Variants in CADM2 observed in about 807,000 individuals in gnomAD.
CADM2 encodes the protein cell adhesion molecule 2.
A neutral mutation model predicts 49.8 loss-of-function variants in CADM2; 12 were observed. The ratio of observed to expected loss-of-function variants is 0.24; its 90% CI spans 0.15 to 0.39. CADM2 has a LOEUF of 0.39. Among genes scored for constraint, CADM2 ranks in the 10% least tolerant of loss-of-function variants. The probability of loss-of-function intolerance (pLI) is 1.00; values close to 1 mark genes in which losing one functional copy is unlikely to be tolerated. For synonymous variants in CADM2, 214 were observed against 175.4 expected, an observed-to-expected ratio of 1.22 and a Z score of -1.74; for missense variants, 378 against 492.3, an observed-to-expected ratio of 0.77 and a Z score of 2.20.
chr3:85,127,630 T>A (rs2107603539), intron 1 of CADM2, among the ~76,000 whole-genome samples: 1 of 152,298 alleles, frequency 6.6e-6, no homozygotes, highest in South Asian at 2.1e-4. Context: ...CTTTTAAAAT[T>A]TCTTATGTTT....
At chr3:85,812,857 T>C (rs1216872086) in intron 3 of CADM2, among the ~76,000 whole-genome samples, 1 of 152,174 alleles carries the variant, frequency 6.6e-6, no homozygotes, top group South Asian at 2.1e-4. Flanking sequence ...GTTTCATCCA[T>C]GTCCCTGCAA....
At chr3:85,668,307 A>G (rs2065634511) in intron 1 of CADM2, among the ~76,000 whole-genome samples, 1 of 150,946 alleles carries the variant, frequency 6.6e-6, no homozygotes, top group Admixed American at 6.6e-5. Context: ...AAAAAAAAAA[A>G]AAAAAAGCAA....
intron 1 of CADM2, among the ~76,000 whole-genome samples, chr3:85,587,901 TC>T (rs753759486): frequency 6.6e-6 from 1 of 151,940 alleles, no homozygotes; most frequent in Non-Finnish European, 1.5e-5. Context: ...CGCGTCACCA[TC>T]CTCAACTAGG....
intron 1 of CADM2, among the ~76,000 whole-genome samples, chr3:85,615,930 A>G (rs1235113313): frequency 6.6e-6 from 1 of 151,966 alleles, no homozygotes; most frequent in African/African-American, 2.4e-5. Flanking sequence ...TAACAATTTC[A>G]AGAAAATCAT....
At chr3:85,634,701 G>C (rs1231643892) in intron 1 of CADM2, among the ~76,000 whole-genome samples, 1 of 152,010 alleles carries the variant, frequency 6.6e-6, no homozygotes, top group Non-Finnish European at 1.5e-5. Flanking sequence ...GTGTGTGCAT[G>C]TATATTATCA....
chr3:85,759,961 A>G (rs184087978), intron 2 of CADM2, among the ~76,000 whole-genome samples: 1 of 152,260 alleles, frequency 6.6e-6, no homozygotes, highest in East Asian at 1.9e-4. Context: ...ATCATGGTAA[A>G]CATATAGACT....
Position 86,072,389 on chromosome 3 carries a change from A to G in CADM2, c.*5606A>G, listed in dbSNP as rs1703332192. The G allele has an allele frequency of 6.6e-6, 1 of 150,978 alleles. No homozygotes were observed. The highest frequency in any genetic ancestry group is 2.1e-4 in the South Asian group (1 of 4,808). The allele number at this position is 150,978 out of a possible 1,614,324, so 9.4% of individuals were successfully genotyped here. On this transcript the variant is annotated 3_prime_UTR_variant, in exon 10 of 10. Transcript: ENST00000383699. The stretch of plus-strand genomic sequence containing the variant: ...TTTGGAGAGAATGGGCCCAAATGTG[A>G]AAAAGATATAAAAAAAACAAAAAAA...
chr3:85,181,780 C>A (rs1032666739), intron 1 of CADM2, among the ~76,000 whole-genome samples: 3 of 150,608 alleles, frequency 2.0e-5, no homozygotes, highest in African/African-American at 7.3e-5. Context: ...CCTTATTATA[C>A]CTTATTGTTA....
intron 1 of CADM2, among the ~76,000 whole-genome samples, chr3:85,315,556 T>G (rs1032322766): frequency 1.4e-4 from 22 of 152,290 alleles, no homozygotes; most frequent in African/African-American, 5.3e-4. Flanking sequence ...TGTGCCTGAC[T>G]TTTTAAGACA....
At chr3:84,972,049 A>G (rs1215725273) in intron 1 of CADM2, among the ~76,000 whole-genome samples, 1 of 152,084 alleles carries the variant, frequency 6.6e-6, no homozygotes, top group East Asian at 1.9e-4. Context: ...TAAAACTTTG[A>G]TTTTGGAAGT....
chr3:85,841,154 C>T lies in CADM2; in HGVS notation c.238+38958C>T, dbSNP rs140584477. Among the ~76,000 whole-genome samples, 1,258 of 151,818 alleles carry T rather than the reference C, an allele frequency of 8.3e-3. 16 individuals are homozygous for T. Among genetic ancestry groups the T allele is most frequent in the Middle Eastern group, 0.031 (9 of 294 alleles). ...ATATTATATTATAAACTCTTGATAA[C>T]ATGAAACTTTTCAGATAGAAATTTG... is the stretch of plus-strand genomic sequence containing the variant. On this transcript the variant is annotated intron_variant, in intron 3 of 9. Transcript: ENST00000383699.
Position 85,253,374 on chromosome 3 carries a change from C to G in CADM2, c.61+293706C>G, listed in dbSNP as rs143567180. On this transcript the variant is annotated intron_variant, in intron 1 of 9. Transcript: ENST00000383699. Reference sequence around the variant, plus strand: ...TCAGATTTGTGTTTCTAGTAAAATCCTATAGCTTAGTTTCTTGATGATCAC... The same window carrying G: ...TCAGATTTGTGTTTCTAGTAAAATCGTATAGCTTAGTTTCTTGATGATCAC... Among the ~76,000 whole-genome samples the G allele has an allele frequency of 6.4e-3, 972 of 152,070 alleles. 7 individuals are homozygous for G. The highest frequency in any genetic ancestry group is 0.013 in the Admixed American group (196 of 15,222).
intron 1 of CADM2, among the ~76,000 whole-genome samples, chr3:85,132,033 T>C (rs2039245386): frequency 6.6e-6 from 1 of 152,186 alleles, no homozygotes; most frequent in East Asian, 1.9e-4. Context: ...GGAAAATATG[T>C]TTTGTTATGT....
intron 1 of CADM2, among the ~76,000 whole-genome samples, chr3:85,509,192 T>C (rs909487229): frequency 2.0e-5 from 3 of 152,150 alleles, no homozygotes; most frequent in African/African-American, 7.2e-5. Flanking sequence ...CTAAGTTCTT[T>C]CCAATCTTAA....
At chr3:85,739,892 T>C (rs1428987822) in intron 2 of CADM2, among the ~76,000 whole-genome samples, 5 of 152,186 alleles carry the variant, frequency 3.3e-5, no homozygotes, top group Non-Finnish European at 7.4e-5. Flanking sequence ...TGCCCAAGTG[T>C]GCATTCAAAA....
At chr3:85,477,714 A>G (rs1423663989) in intron 1 of CADM2, among the ~76,000 whole-genome samples, 1 of 151,778 alleles carries the variant, frequency 6.6e-6, no homozygotes, top group Admixed American at 6.6e-5. Context: ...TGTTTGCACA[A>G]TCTAGATATT....
chr3:85,645,566 G>T (rs542313463), intron 1 of CADM2, among the ~76,000 whole-genome samples: 25 of 151,960 alleles, frequency 1.6e-4, no homozygotes, highest in African/African-American at 6.0e-4. Context: ...ATGATTTTCA[G>T]ATAATTTTAA....
intron 1 of CADM2, among the ~76,000 whole-genome samples, chr3:85,500,261 T>C (rs1348509842): frequency 6.6e-6 from 1 of 150,500 alleles, no homozygotes; most frequent in Admixed American, 6.6e-5. Flanking sequence ...AACAGCAGAA[T>C]ATATATTTTT....
At chr3:85,235,505 T>C (rs1373988556) in intron 1 of CADM2, among the ~76,000 whole-genome samples, 1 of 152,130 alleles carries the variant, frequency 6.6e-6, no homozygotes, top group East Asian at 1.9e-4. Context: ...GAGTTACAAA[T>C]TATAAAACAT....
Sources: allele counts gnomAD v4.1 joint callset (sites outside exome capture counted in the v4.1 genomes callset), GRCh38; gene constraint gnomAD v4.1.1; transcripts MANE v1.5; gene names NCBI Gene and HGNC (gene_info 2026-07-23, HGNC 2026-07-21).